CCDC152: variants seen among roughly 807,000 people sequenced by gnomAD.
CCDC152 encodes coiled-coil domain containing 152.
Under a neutral mutation model 38.1 loss-of-function variants are expected in CCDC152, and 37 were observed. The ratio of observed to expected loss-of-function variants is 0.97; its 90% CI spans 0.75 to 1.28. The LOEUF (loss-of-function observed/expected upper bound fraction) is 1.28, where lower values mean the gene tolerates loss of function less well. CCDC152 is among the 50% of genes most tolerant of loss of function. The pLI is 0.00. For missense variants in CCDC152, 259 were observed against 292.1 expected, an observed-to-expected ratio of 0.89 and a Z score of 0.83; for synonymous variants, 83 against 87.1, an observed-to-expected ratio of 0.95 and a Z score of 0.26.
intron 6 of CCDC152, among the ~76,000 whole-genome samples, chr5:42,793,088 T>C (rs893766058): frequency 6.6e-6 from 1 of 152,232 alleles, no homozygotes; most frequent in Non-Finnish European, 1.5e-5. Flanking sequence ...GGTACATCCA[T>C]GTAATGGAAA....
In CCDC152 at chr5:42,801,656, C is replaced by A; in HGVS notation, c.*1875C>A. On this transcript the variant is annotated 3_prime_UTR_variant, in exon 9 of 9. Transcript: ENST00000361970. ...TCTGGGCCGAGCATGGTGGCTCATG[C>A]CTGTAATCCCACCACTTTGGGTGGC... 1 of 339,466 alleles carries A rather than the reference C, an allele frequency of 2.9e-6. No homozygotes were observed. Among genetic ancestry groups the A allele is most frequent in the South Asian group, 1.2e-4 (1 of 8,508 alleles). The allele number at this position is 339,466 out of a possible 1,614,324, so 21.0% of individuals were successfully genotyped here.
At chr5:42,795,789 G>A (rs927500131) in intron 6 of CCDC152, among the ~76,000 whole-genome samples, 11 of 151,752 alleles carry the variant, frequency 7.2e-5, no homozygotes, top group East Asian at 3.9e-4. Flanking sequence ...ACACATGCAC[G>A]CGTATGTTTA....
intron 2 of CCDC152, 137 bp downstream of exon 2, chr5:42,759,345 C>G: frequency 1.8e-6 from 1 of 546,312 alleles, no homozygotes; most frequent in Non-Finnish European, 3.3e-6. Flanking sequence ...ATGCTCTTCT[C>G]TCTCATTTTA....
At chr5:42,772,582 T>C (rs1190603010) in intron 4 of CCDC152, among the ~76,000 whole-genome samples, 1 of 146,912 alleles carries the variant, frequency 6.8e-6, no homozygotes, top group Non-Finnish European at 1.5e-5. Context: ...ACCAGGGAGT[T>C]GGAGGTTGCA....
At chr5:42,793,809 A>G (rs1436292110) in intron 6 of CCDC152, among the ~76,000 whole-genome samples, 1 of 152,146 alleles carries the variant, frequency 6.6e-6, no homozygotes, top group Non-Finnish European at 1.5e-5. Context: ...GGGTTTCACC[A>G]TGTTGGTCAG....
rs1330633787 is a variant in CCDC152 at position 42,769,626 on chromosome 5, G to A, written c.223G>A (p.Gly75Arg). ...TGCTACTCTTCATAATATAATAAAA[G>A]GGCTACAACAGACCATTGAATATCA... is the stretch of plus-strand genomic sequence containing the variant. The part of the protein sequence containing the change: ...ECATLHNIIK[G>R]LQQTIEYQQN... The change falls in exon 4 of 9, where the codon GGG becomes AGG. Residue 75 changes from glycine to arginine, a missense_variant. Physicochemically the swap from Gly to Arg is moderately radical, Grantham distance 125. Transcript: ENST00000361970. The A allele has an allele frequency of 1.4e-6, 2 of 1,480,760 alleles. No individual in the cohort carries two copies. Among genetic ancestry groups the A allele is most frequent in the Non-Finnish European group, 1.8e-6 (2 of 1,114,140 alleles). The allele number at this position is 1,480,760 out of a possible 1,614,324, so 91.7% of individuals were successfully genotyped here.
rs190745771 is a variant in CCDC152 at position 42,766,948 on chromosome 5, A to C, written c.194-2649A>C. ...TTATAACTCAGTTGATAAATGCTTG[A>C]GGGGATAGATACGCCATTCTCCATG... On this transcript the variant is annotated intron_variant, in intron 3 of 8. Coordinates refer to ENST00000361970, the MANE Select transcript of CCDC152 (RefSeq NM_001134848.2). Among the ~76,000 whole-genome samples, 119 of 152,280 alleles carry C rather than the reference A, an allele frequency of 7.8e-4. 3 individuals are homozygous for C. The highest frequency in any genetic ancestry group is 2.8e-3 in the African/African-American group (117 of 41,568).
chr5:42,770,731 A>T (rs576175921), intron 4 of CCDC152, among the ~76,000 whole-genome samples: 1 of 152,258 alleles, frequency 6.6e-6, no homozygotes, highest in South Asian at 2.1e-4. Context: ...TTTAGATAGT[A>T]TGGACATTTT....
intron 4 of CCDC152, among the ~76,000 whole-genome samples, chr5:42,775,439 T>G (rs571815976): frequency 1.3e-5 from 2 of 152,220 alleles, no homozygotes; most frequent in South Asian, 4.1e-4. Context: ...CTGAGAGAGA[T>G]AGAATAAAAC....
rs897087913 is a variant in CCDC152, at chr5:42,801,685, G to T, written c.*1904G>T. 6.5e-5 allele frequency: 18 copies of T among 279,048 alleles called. No individual in the cohort carries two copies. The Middle Eastern group carries it at 3.9e-3, about 60-fold the overall frequency. The allele number at this position is 279,048 out of a possible 1,614,324, so 17.3% of individuals were successfully genotyped here. ...TAATCCCACCACTTTGGGTGGCCGA[G>T]GGGGGCAGATTACTTGGGCTCAGGA... On this transcript the variant is annotated 3_prime_UTR_variant, in exon 9 of 9. Transcript: ENST00000361970.
chr5:42,781,555 GCACA>G (rs767352552), intron 5 of CCDC152, among the ~76,000 whole-genome samples: 12 of 123,636 alleles, frequency 9.7e-5, no homozygotes, highest in South Asian at 2.4e-4. Flanking sequence ...GCGCGCGCGC[GCACA>G]CACACACACA....
intron 4 of CCDC152, among the ~76,000 whole-genome samples, chr5:42,771,723 T>G (rs6899268): frequency 0.26 from 39,409 of 151,850 alleles, 5,698 homozygotes; most frequent in Admixed American, 0.38. Context: ...GAGTCAGAAA[T>G]AGTCGGAACA....
intron 6 of CCDC152, among the ~76,000 whole-genome samples, chr5:42,791,763 G>T (rs1388090045): frequency 6.6e-6 from 1 of 152,200 alleles, no homozygotes; most frequent in South Asian, 2.1e-4. Flanking sequence ...TACATCTGTG[G>T]TCCCTGAAGA....
chr5:42,788,324 C>G (rs1280113791), intron 6 of CCDC152, among the ~76,000 whole-genome samples: 1 of 146,454 alleles, frequency 6.8e-6, no homozygotes, highest in African/African-American at 2.5e-5. Context: ...TATTTAAGGT[C>G]AATGCCAAAA....
At chr5:42,794,139 A>T (rs1341966033) in intron 6 of CCDC152, among the ~76,000 whole-genome samples, 81 of 152,344 alleles carry the variant, frequency 5.3e-4, no homozygotes, top group Non-Finnish European at 9.3e-4. Context: ...CATGTGAGAT[A>T]TAGGAACTGG....
rs35424997 is a variant in CCDC152, at chr5:42,777,467, T to TAAA, written c.263-1981_263-1979dup. 2.2e-3 allele frequency among the ~76,000 whole-genome samples: 300 copies of TAAA among 134,816 alleles called. 3 individuals carry two copies. Among genetic ancestry groups the TAAA allele is most frequent in the Non-Finnish European group, 3.6e-3 (231 of 63,512 alleles). 88.4% of individuals were successfully genotyped at this position (134,816 alleles called of 152,430 possible). On this transcript the variant is annotated intron_variant, in intron 4 of 8. Transcript: ENST00000361970. ...ACAAGAGCAAGACTTCATCTCAATA[T>TAAA]AAAAAAAAAAAAGAAGAAGAAGAAG... is the stretch of plus-strand genomic sequence containing the variant.
rs1199806534 is a variant in CCDC152 at position 42,802,254 on chromosome 5, T to C, written c.*2473T>C. 2.6e-5 allele frequency: 4 copies of C among 152,182 alleles called. No homozygotes were observed. The East Asian group carries it at 5.8e-4, about 22-fold the overall frequency. The allele number at this position is 152,182 out of a possible 1,614,324, so 9.4% of individuals were successfully genotyped here. On this transcript the variant is annotated 3_prime_UTR_variant, in exon 9 of 9. Transcript: ENST00000361970. Reference sequence around the variant, plus strand: ...ACTGGAAGTCTTTACTGTTTTGTGGTACCTACTAATCAGAGACTCAAAGCC... The same window carrying C: ...ACTGGAAGTCTTTACTGTTTTGTGGCACCTACTAATCAGAGACTCAAAGCC...
chr5:42,780,500 T>C (rs1372988282), intron 5 of CCDC152, among the ~76,000 whole-genome samples: 2 of 152,094 alleles, frequency 1.3e-5, no homozygotes, highest in Admixed American at 6.6e-5. Flanking sequence ...AGTCAGGTTG[T>C]AATTGGGGTG....
intron 5 of CCDC152, among the ~76,000 whole-genome samples, chr5:42,780,996 A>G (rs898354726): frequency 1.3e-5 from 2 of 152,194 alleles, no homozygotes; most frequent in African/African-American, 4.8e-5. Context: ...GAGAAGATCT[A>G]GTGGGATAGA....
Sources: gnomAD v4.1 joint callset for allele counts (sites outside exome capture counted in the v4.1 genomes callset) on GRCh38, gnomAD v4.1.1 for gene constraint, MANE v1.5 for transcripts, NCBI Gene and HGNC (gene_info 2026-07-23, HGNC 2026-07-21) for gene names.